The following PRKAB1 variants were observed in gnomAD, a reference collection of about 807,000 sequenced individuals.
The protein encoded by PRKAB1 is 5'-AMP-activated protein kinase subunit beta-1.
Under a neutral mutation model 32.0 loss-of-function variants are expected in PRKAB1, and 18 were observed. The observed-to-expected ratio is 0.56, with a 90% CI of 0.39 to 0.83. The LOEUF is 0.83. Among genes scored for constraint, PRKAB1 ranks in the 40% least tolerant of loss-of-function variants. The probability of loss-of-function intolerance (pLI) is 0.00; values close to 1 mark genes in which losing one functional copy is unlikely to be tolerated. For synonymous variants in PRKAB1, 141 were observed against 141.4 expected, an observed-to-expected ratio of 1.00 and a Z score of 0.02; for missense variants, 263 against 352.6, an observed-to-expected ratio of 0.75 and a Z score of 2.03.
At position 119,673,992 on chromosome 12, in the gene PRKAB1, C is replaced by T; in HGVS notation, c.352C>T (p.Leu118=). 6.2e-7 allele frequency: 1 copy of T among 1,613,898 alleles called. No individual in the cohort carries two copies. The highest frequency in any genetic ancestry group is 8.5e-7 in the Non-Finnish European group (1 of 1,179,894). The change falls in exon 3 of 7, where the codon CTG becomes TTG. Residue 118 remains leucine (L), a synonymous_variant. Coordinates refer to ENST00000229328, the MANE Select transcript of PRKAB1 (RefSeq NM_006253.5). ...SHNNFVAILD[L]PEGEHQYKFF... ...CAATAACTTTGTAGCCATCCTGGATCTGCCGGAAGGAGAGCATCAGTACAA... is the reference window on the plus strand; with the variant it reads ...CAATAACTTTGTAGCCATCCTGGATTTGCCGGAAGGAGAGCATCAGTACAA...
intron 6 of PRKAB1, 108 bp downstream of exon 6, chr12:119,680,109 G>C: frequency 6.7e-7 from 1 of 1,495,018 alleles, no homozygotes; most frequent in South Asian, 1.1e-5. Flanking sequence ...AGCTTCCAGG[G>C]TCTGGCACAG....
At chr12:119,676,176 GCTT>G (rs912872333) in intron 4 of PRKAB1, among the ~76,000 whole-genome samples, 1 of 152,110 alleles carries the variant, frequency 6.6e-6, no homozygotes, top group African/African-American at 2.4e-5. Flanking sequence ...TTAGCCTCCA[GCTT>G]CTTTGTGGTT....
Position 119,680,591 on chromosome 12 carries a change from A to C in PRKAB1, c.*266A>C. On this transcript the variant is annotated 3_prime_UTR_variant, in exon 7 of 7. Coordinates refer to ENST00000229328, the MANE Select transcript of PRKAB1 (RefSeq NM_006253.5). Reference sequence around the variant, plus strand: ...AGAAAAGAGGGAGGGGTGGCAGAGGATCTGCAGCCCTGGCCCCGCGGTGCA... The same window carrying C: ...AGAAAAGAGGGAGGGGTGGCAGAGGCTCTGCAGCCCTGGCCCCGCGGTGCA... 1 of 507,308 alleles carries C rather than the reference A, an allele frequency of 2.0e-6. No homozygotes were observed. 31.4% of individuals were successfully genotyped at this position (507,308 alleles called of 1,614,324 possible).
intron 1 of PRKAB1, among the ~76,000 whole-genome samples, chr12:119,671,937 T>C (rs907957040): frequency 2.6e-5 from 4 of 152,188 alleles, no homozygotes; most frequent in Admixed American, 2.6e-4. Context: ...ACTTCAAATC[T>C]TGCTTGATTA....
At position 119,680,017 on chromosome 12, in the gene PRKAB1, TC is replaced by T. The variant is rs761617905; in HGVS notation, c.735+20del. On this transcript the variant is annotated intron_variant, in intron 6 of 6. Coordinates refer to ENST00000229328, the MANE Select transcript of PRKAB1 (RefSeq NM_006253.5). Reference sequence around the variant, plus strand: ...GTCTATCAAGGTAATGACATGTCTGTCCCCATGAGAGCTGTGTTGCCCAGTG... The same window carrying T: ...GTCTATCAAGGTAATGACATGTCTGTCCCATGAGAGCTGTGTTGCCCAGTG... The T allele has an allele frequency of 9.3e-6, 15 of 1,607,966 alleles. No homozygotes were observed. In the Admixed American group the frequency reaches 1.7e-4, roughly 18 times the overall value.
Position 119,680,496 on chromosome 12 carries a change from C to T in PRKAB1, c.*171C>T. 2 of 682,554 alleles carry T rather than the reference C, an allele frequency of 2.9e-6. No individual in the cohort carries two copies. The highest frequency in any genetic ancestry group is 5.0e-6 in the Non-Finnish European group (2 of 400,790). The allele number at this position is 682,554 out of a possible 1,614,324, so 42.3% of individuals were successfully genotyped here. ...GTTTGTCCAGGCAGAGCAGCTCCTG[C>T]AGCGCCTCGGTCTGTGACAGTCCTC... On this transcript the variant is annotated 3_prime_UTR_variant, in exon 7 of 7. Transcript: ENST00000229328.
chr12:119,673,578 C>T (rs1474493712), intron 2 of PRKAB1, among the ~76,000 whole-genome samples: 1 of 152,182 alleles, frequency 6.6e-6, no homozygotes, highest in East Asian at 1.9e-4. Flanking sequence ...TCAATTGATC[C>T]CTTCTCCTGC....
rs115821895 is a variant in PRKAB1, at chr12:119,672,396, G to T, written c.255G>T (p.Thr85=). 56 of 1,611,022 alleles carry T rather than the reference G, an allele frequency of 3.5e-5. No individual in the cohort carries two copies. The Middle Eastern group carries it at 8.3e-4, about 24-fold the overall frequency. Residue 85 remains threonine (T), a synonymous_variant, in exon 2 of 7, where the codon ACG becomes ACT. Transcript: ENST00000229328. ...AQARPTVFRW[T]GGGKEVYLSG... is the part of the protein sequence containing the mutation. ...CTCGGCCAACGGTGTTTCGATGGAC[G>T]GGGGGCGGAAAGGAAGTTTACTTAT...
Position 119,680,537 on chromosome 12 carries a change from C to G in PRKAB1, c.*212C>G. 1 of 584,758 alleles carries G rather than the reference C, an allele frequency of 1.7e-6. No individual in the cohort carries two copies. The highest frequency in any genetic ancestry group is 2.2e-5 in the South Asian group (1 of 46,108). The allele number at this position is 584,758 out of a possible 1,614,324, so 36.2% of individuals were successfully genotyped here. A position where few individuals can be genotyped will look rare whatever the true frequency, so the allele number is the denominator to read the frequency against. On this transcript the variant is annotated 3_prime_UTR_variant, in exon 7 of 7. Coordinates refer to ENST00000229328, the MANE Select transcript of PRKAB1 (RefSeq NM_006253.5). ...GACAGTCCTCCTAGCACCCCCATGGCTTTGAGCCTCGGGGACTCATCAAGT... is the reference window on the plus strand; with the variant it reads ...GACAGTCCTCCTAGCACCCCCATGGGTTTGAGCCTCGGGGACTCATCAAGT...
rs894074129 is a variant in PRKAB1, at chr12:119,674,373, A to C, written c.451A>C (p.Asn151His). The change falls in exon 4 of 7, where the codon AAC (asparagine) becomes CAC (histidine). Residue 151 changes from asparagine (N) to histidine (H), a missense_variant. Transcript: ENST00000229328. The surrounding 1 kb of genome is among the most constrained non-coding windows in gnomAD (Gnocchi z 4.3). ...IVTSQLGTVN[N>H]IIQVKKTDFE... ...AACCAGCCAGCTTGGCACAGTTAAC[A>C]ACATCATTCAAGTGAAGAAAACTGA... The C allele has an allele frequency of 6.2e-7, 1 of 1,614,194 alleles. No individual in the cohort carries two copies.
chr12:119,672,588 T>C, intron 2 of PRKAB1, 124 bp downstream of exon 2: 2 of 1,119,638 alleles, frequency 1.8e-6, no homozygotes, highest in Non-Finnish European at 2.4e-6. Context: ...AAAAATAATT[T>C]TGCTTAATAA....
At chr12:119,680,057 C>G (rs1427335593) in intron 6 of PRKAB1, 56 bp downstream of exon 6, 54 of 1,566,820 alleles carry the variant, frequency 3.4e-5, no homozygotes, top group Non-Finnish European at 4.5e-5. Context: ...GCTCTGAGGA[C>G]CCCCAGCAGT....
chr12:119,678,071 G>GT (rs939975015), intron 5 of PRKAB1: 1 of 152,150 alleles, frequency 6.6e-6, no homozygotes, highest in Non-Finnish European at 1.5e-5. Context: ...GCCAGGTTTT[G>GT]TTTTTTCTAG....
chr12:119,672,248 T>G, intron 1 of PRKAB1, 53 bp from the exon 2 acceptor site: 2 of 1,434,802 alleles, frequency 1.4e-6, no homozygotes, highest in Non-Finnish European at 1.9e-6. Flanking sequence ...GTCAATATTG[T>G]CTGTTGTAGG....
Position 119,681,361 on chromosome 12 carries a change from G to A in PRKAB1, c.*1036G>A, listed in dbSNP as rs1955462681. ...GTCTGGGTCAGGAAGATGTCCTTTG[G>A]ACCAAAGCAGACTTCTTTATACGCA... On this transcript the variant is annotated 3_prime_UTR_variant, in exon 7 of 7. Coordinates refer to ENST00000229328, the MANE Select transcript of PRKAB1 (RefSeq NM_006253.5). The A allele has an allele frequency of 6.6e-6, 1 of 152,192 alleles. No homozygotes were observed. Among genetic ancestry groups the A allele is most frequent in the Non-Finnish European group, 1.5e-5 (1 of 68,032 alleles). The allele number at this position is 152,192 out of a possible 1,614,324, so 9.4% of individuals were successfully genotyped here.
rs1241198249 is a variant in PRKAB1, at chr12:119,680,403, T to C, written c.*78T>C. On this transcript the variant is annotated 3_prime_UTR_variant, in exon 7 of 7. Transcript: ENST00000229328. Reference sequence around the variant, plus strand: ...CGTGCATGCTTTCCCCAAGAGGGAATGGACTGTACATTGCTCATTTCACAC... The same window carrying C: ...CGTGCATGCTTTCCCCAAGAGGGAACGGACTGTACATTGCTCATTTCACAC... 4.4e-6 allele frequency: 6 copies of C among 1,365,728 alleles called. No homozygotes were observed. The highest frequency in any genetic ancestry group is 6.2e-6 in the Non-Finnish European group (6 of 963,802). 84.6% of individuals were successfully genotyped at this position (1,365,728 alleles called of 1,614,324 possible).
intron 1 of PRKAB1, 101 bp downstream of exon 1, chr12:119,668,504 G>A (rs1423107545): frequency 3.4e-6 from 5 of 1,460,526 alleles, no homozygotes; most frequent in African/African-American, 2.9e-5. Flanking sequence ...CACCAGAACG[G>A]AGAGGGAGGT....
chr12:119,673,746 G>T (rs1291891296), intron 2 of PRKAB1: 1 of 432,788 alleles, frequency 2.3e-6, no homozygotes, highest in Admixed American at 4.2e-5. Context: ...TTTGAGTAAG[G>T]TGAGTTTTCA....
intron 5 of PRKAB1, chr12:119,678,197 G>A (rs971711136): frequency 6.6e-6 from 1 of 152,228 alleles, no homozygotes; most frequent in Non-Finnish European, 1.5e-5. Flanking sequence ...TCTGTCCAAG[G>A]TAGCACTAAG....
Sources: gnomAD v4.1 joint callset for allele counts (sites outside exome capture counted in the v4.1 genomes callset) on GRCh38, gnomAD v4.1.1 for gene constraint, Gnocchi (gnomAD v3.1) non-coding constraint, MANE v1.5 for transcripts, NCBI Gene and HGNC (gene_info 2026-07-23, HGNC 2026-07-21) for gene names.